EML6: variants seen among roughly 807,000 people sequenced by gnomAD.
EML6 encodes echinoderm microtubule-associated protein-like 6.
EML6 carries 154 observed loss-of-function variants against 240.1 expected under a neutral mutation model. That is an observed-to-expected ratio of 0.64 (90% confidence interval 0.56 to 0.73). The LOEUF is 0.73. Ranked by LOEUF, EML6 falls within the 30% of genes least tolerant of loss-of-function variation. The pLI is 0.00. For missense variants in EML6, 2,964 were observed against 2,474.6 expected (o/e 1.20, Z -4.20); for synonymous variants, 1,148 against 899.0 (o/e 1.28, Z -4.95).
chr2:54,920,494 A>G (rs1362435164), intron 26 of EML6, among the ~76,000 whole-genome samples: 6 of 152,228 alleles, frequency 3.9e-5, no homozygotes, highest in Non-Finnish European at 8.8e-5. Flanking sequence ...TCAATAATGC[A>G]CAAGAGATTG....
In EML6 at chr2:54,932,554, G is replaced by A. The variant is rs80143439; in HGVS notation, c.4004+3803G>A. On this transcript the variant is annotated intron_variant, in intron 28 of 41. Transcript: ENST00000356458. ...AACTTTTGACCTTATCTCCTTTGCC[G>A]TGTTTTCTTATAATGTACTCTTTTG... Among the ~76,000 whole-genome samples the A allele has an allele frequency of 3.3e-3, 505 of 152,112 alleles. 2 individuals are homozygous for A. Among genetic ancestry groups the A allele is most frequent in the African/African-American group, 0.011 (471 of 41,462 alleles).
chr2:54,878,651 A>G (rs1671649222), intron 16 of EML6, among the ~76,000 whole-genome samples: 1 of 152,252 alleles, frequency 6.6e-6, no homozygotes, highest in Admixed American at 6.5e-5. Context: ...TCTCTTAGAG[A>G]AATAAATTGT....
At chr2:54,794,399 T>A (rs545853612) in intron 2 of EML6, among the ~76,000 whole-genome samples, 1 of 152,304 alleles carries the variant, frequency 6.6e-6, no homozygotes, top group African/African-American at 2.4e-5. Flanking sequence ...AATTCTTAAT[T>A]TGACCCCTTG....
chr2:54,785,479 G>A (rs1186942790), intron 2 of EML6, among the ~76,000 whole-genome samples: 1 of 152,124 alleles, frequency 6.6e-6, no homozygotes, highest in African/African-American at 2.4e-5. Context: ...CACTGTGCCT[G>A]GCCCCCATGG....
At chr2:54,884,272 G>T (rs1672000837) in intron 17 of EML6, among the ~76,000 whole-genome samples, 1 of 152,164 alleles carries the variant, frequency 6.6e-6, no homozygotes, top group Non-Finnish European at 1.5e-5. Flanking sequence ...AGGCACGTAG[G>T]AAGGGGCACA....
chr2:54,964,040 C>A lies in EML6; in HGVS notation c.5212C>A (p.Pro1738Thr), dbSNP rs1382196909. The A allele has an allele frequency of 6.4e-7, 1 of 1,551,702 alleles. No individual in the cohort carries two copies. The highest frequency in any genetic ancestry group is 2.4e-5 in the East Asian group (1 of 40,916). The part of the protein sequence containing the change: ...GHAARCAAYS[P>T]DGEMVAIGMK... ...TGCGGCCAGGTGTGCAGCCTACAGC[C>A]CTGATGGGGAGATGGTGGCCATTGG... Residue 1738 changes from proline (P) to threonine (T), a missense_variant, in exon 37 of 42, where the codon CCT becomes ACT. Coordinates refer to ENST00000356458, the MANE Select transcript of EML6 (RefSeq NM_001039753.4).
At chr2:54,959,477 C>T (rs1676395044) in intron 34 of EML6, among the ~76,000 whole-genome samples, 1 of 152,100 alleles carries the variant, frequency 6.6e-6, no homozygotes, top group Non-Finnish European at 1.5e-5. Context: ...GTTTAAAAAC[C>T]TGAGAGAGGC....
chr2:54,808,499 T>C (rs1443499102), intron 2 of EML6, among the ~76,000 whole-genome samples: 2 of 150,890 alleles, frequency 1.3e-5, no homozygotes, highest in Non-Finnish European at 2.9e-5. Flanking sequence ...TTTCATGCTT[T>C]CCTGGTGAGA....
At chr2:54,807,507 T>G (rs1670560455) in intron 2 of EML6, among the ~76,000 whole-genome samples, 1 of 152,222 alleles carries the variant, frequency 6.6e-6, no homozygotes, top group African/African-American at 2.4e-5. Flanking sequence ...AGCCCTGATT[T>G]GTAGCACTTA....
chr2:54,796,886 C>G (rs354946), intron 2 of EML6, among the ~76,000 whole-genome samples: 133,948 of 151,986 alleles, frequency 0.88, 59,153 homozygotes, highest in Middle Eastern at 0.93. Flanking sequence ...AGTCACAAGG[C>G]GGGGATCCTT....
intron 5 of EML6, among the ~76,000 whole-genome samples, chr2:54,820,825 T>C (rs181622800): frequency 6.6e-6 from 1 of 152,342 alleles, no homozygotes; most frequent in Admixed American, 6.5e-5. Context: ...CATATTTGCA[T>C]GTCAACACTT....
chr2:54,809,772 A>C (rs1667736794), intron 2 of EML6, among the ~76,000 whole-genome samples: 1 of 152,144 alleles, frequency 6.6e-6, no homozygotes, highest in Non-Finnish European at 1.5e-5. Context: ...CTAGTGAGTA[A>C]AGTTCGTGAG....
At chr2:54,761,973 A>G (rs979578459) in intron 2 of EML6, among the ~76,000 whole-genome samples, 1 of 152,250 alleles carries the variant, frequency 6.6e-6, no homozygotes, top group African/African-American at 2.4e-5. Flanking sequence ...CAGTATGGTT[A>G]TTAAATTCAG....
chr2:54,795,707 T>C (rs1669728501), intron 2 of EML6, among the ~76,000 whole-genome samples: 1 of 152,194 alleles, frequency 6.6e-6, no homozygotes, highest in Non-Finnish European at 1.5e-5. Flanking sequence ...TCTAAGGAAC[T>C]GACTATAAGC....
chr2:54,759,811 A>C (rs1667898968), intron 2 of EML6, among the ~76,000 whole-genome samples: 2 of 151,790 alleles, frequency 1.3e-5, no homozygotes, highest in Non-Finnish European at 2.9e-5. Flanking sequence ...TCCAAGAGTG[A>C]AGTTCGAGGT....
chr2:54,845,836 C>T (rs1328516761), intron 8 of EML6, among the ~76,000 whole-genome samples: 1 of 152,142 alleles, frequency 6.6e-6, no homozygotes, highest in Non-Finnish European at 1.5e-5. Flanking sequence ...TGAGAGAAAC[C>T]GTGCTGCATG....
At chr2:54,744,937 CACACACACACACACACACACACACA>C (rs1683842286) in intron 2 of EML6, among the ~76,000 whole-genome samples, 2 of 150,938 alleles carry the variant, frequency 1.3e-5, no homozygotes, top group Non-Finnish European at 3.0e-5. Context: ...CACACACACA[CACACACACACACACACACACACACA>C]CCCTGCCATG....
chr2:54,968,569 G>A (rs1157710930), intron 40 of EML6, 99 bp from the exon 41 acceptor site: 1 of 768,136 alleles, frequency 1.3e-6, no homozygotes, highest in African/African-American at 1.7e-5. Context: ...CCCAGTGAAG[G>A]AAGGTTCTGG....
chr2:54,967,679 C>T (rs1296990204), intron 39 of EML6, among the ~76,000 whole-genome samples: 1 of 152,060 alleles, frequency 6.6e-6, no homozygotes, highest in Non-Finnish European at 1.5e-5. Flanking sequence ...GGGAAGGGGA[C>T]AGATGCTTTC....
Sources: gnomAD v4.1 joint callset for allele counts (sites outside exome capture counted in the v4.1 genomes callset) on GRCh38, gnomAD v4.1.1 for gene constraint, MANE v1.5 for transcripts, NCBI Gene and HGNC (gene_info 2026-07-23, HGNC 2026-07-21) for gene names.